The following ADCK1 variants were observed in gnomAD, a reference collection of about 807,000 sequenced individuals.
The protein encoded by ADCK1 is aarF domain containing kinase 1, also known as aarF domain-containing protein kinase 1.
Under a neutral mutation model 52.3 loss-of-function variants are expected in ADCK1, and 41 were observed. That is an observed-to-expected ratio of 0.78 (90% CI 0.61 to 1.02). ADCK1 has a LOEUF of 1.02. Ranked by LOEUF, ADCK1 falls within the 50% of genes least tolerant of loss-of-function variation. The probability of loss-of-function intolerance (pLI) is 0.00; values close to 1 mark genes in which losing one functional copy is unlikely to be tolerated. For synonymous variants in ADCK1, 250 were observed against 274.6 expected (o/e 0.91, Z 0.89); for missense variants, 658 against 679.5 (o/e 0.97, Z 0.35).
chr14:77,827,230 T>G (rs2081731249), intron 3 of ADCK1, among the ~76,000 whole-genome samples: 1 of 151,086 alleles, frequency 6.6e-6, no homozygotes. Context: ...TGGGCGCCTG[T>G]AGTCCCAGCT....
At chr14:77,890,030 TG>T (rs1176899629) in intron 5 of ADCK1, among the ~76,000 whole-genome samples, 1 of 152,178 alleles carries the variant, frequency 6.6e-6, no homozygotes, top group Non-Finnish European at 1.5e-5. Flanking sequence ...AAACCAGGAT[TG>T]AGCAATGCTG....
chr14:77,816,800 G>C (rs1031107142), intron 1 of ADCK1, among the ~76,000 whole-genome samples: 1 of 150,622 alleles, frequency 6.6e-6, no homozygotes, highest in Non-Finnish European at 1.5e-5. Context: ...CTGATGTTGT[G>C]GGGGGAAGTG....
intron 3 of ADCK1, among the ~76,000 whole-genome samples, chr14:77,842,518 T>C (rs113539355): frequency 1.4e-5 from 2 of 146,304 alleles, no homozygotes; most frequent in African/African-American, 5.1e-5. Flanking sequence ...CTTCCTTCAT[T>C]TCCTCCCTCC....
At chr14:77,851,552 G>A (rs561061850) in intron 3 of ADCK1, among the ~76,000 whole-genome samples, 1 of 152,186 alleles carries the variant, frequency 6.6e-6, no homozygotes, top group Admixed American at 6.5e-5. Context: ...CTTCATTCCT[G>A]TTTCCTTTAT....
At position 77,818,953 on chromosome 14, in the gene ADCK1, T is replaced by C. The variant is rs750650733; in HGVS notation, c.-11-15T>C. ...TTTAACTGCTATTCTTTCTCAACTTTCCTTTTTTCTGCAGGATCTGGCGAC... is the reference window on the plus strand; with the variant it reads ...TTTAACTGCTATTCTTTCTCAACTTCCCTTTTTTCTGCAGGATCTGGCGAC... On this transcript the variant is annotated splice_polypyrimidine_tract_variant and intron_variant, in intron 1 of 10. Transcript: ENST00000238561. 6.2e-7 allele frequency: 1 copy of C among 1,609,434 alleles called. No homozygotes were observed. The highest frequency in any genetic ancestry group is 8.5e-7 in the Non-Finnish European group (1 of 1,178,168).
At chr14:77,918,778 G>A (rs1406886487) in intron 7 of ADCK1, among the ~76,000 whole-genome samples, 3 of 152,168 alleles carry the variant, frequency 2.0e-5, no homozygotes, top group East Asian at 1.9e-4. Flanking sequence ...CTAGGGAAAT[G>A]TACTTTTGTT....
intron 4 of ADCK1, among the ~76,000 whole-genome samples, chr14:77,864,500 T>A (rs2082620647): frequency 6.6e-6 from 1 of 152,120 alleles, no homozygotes; most frequent in Non-Finnish European, 1.5e-5. Flanking sequence ...CATGGAGAAC[T>A]TGATGGGAGG....
intron 5 of ADCK1, among the ~76,000 whole-genome samples, chr14:77,890,100 A>G (rs535196337): frequency 2.0e-5 from 3 of 152,266 alleles, no homozygotes; most frequent in Admixed American, 6.5e-5. Context: ...CTAATGCTGC[A>G]TAATGAGTCA....
In ADCK1 at chr14:77,859,128, G is replaced by C. The variant is rs532827034; in HGVS notation, c.272G>C (p.Gly91Ala). Reference protein sequence around the residue: ...RLCELCCANRGTFIKVGQHLG... With the variant: ...RLCELCCANRATFIKVGQHLG... ...TGTGAGCTCTGCTGTGCCAACCGGG[G>C]CACCTTCATCAAGGTGGGCCAGCAC... Residue 91 changes from glycine (G) to alanine (A), a missense_variant, in exon 4 of 11, where the codon GGC becomes GCC. Gly to Ala is a moderately conservative substitution (Grantham distance 60). Coordinates refer to ENST00000238561, the MANE Select transcript of ADCK1 (RefSeq NM_020421.4). The C allele has an allele frequency of 6.2e-7, 1 of 1,613,166 alleles. No homozygotes were observed. Among genetic ancestry groups the C allele is most frequent in the East Asian group, 2.2e-5 (1 of 44,882 alleles).
chr14:77,862,443 G>T (rs958233775), intron 4 of ADCK1, among the ~76,000 whole-genome samples: 2 of 152,152 alleles, frequency 1.3e-5, no homozygotes, highest in Admixed American at 6.5e-5. Flanking sequence ...TTCTCTTTGT[G>T]GGGGGATCCC....
chr14:77,802,337 C>T (rs555301849), intron 1 of ADCK1, among the ~76,000 whole-genome samples: 24 of 152,212 alleles, frequency 1.6e-4, no homozygotes, highest in African/African-American at 5.1e-4. Context: ...TGGCTTTGCC[C>T]TATTCTCCCT....
chr14:77,858,404 T>A (rs1389016356), intron 3 of ADCK1, among the ~76,000 whole-genome samples: 1 of 149,118 alleles, frequency 6.7e-6, no homozygotes, highest in African/African-American at 2.5e-5. Context: ...GCCTGGATAA[T>A]TTTTTTTTTG....
At chr14:77,895,075 T>C (rs989104076) in intron 5 of ADCK1, among the ~76,000 whole-genome samples, 2 of 152,242 alleles carry the variant, frequency 1.3e-5, no homozygotes, top group African/African-American at 4.8e-5. Context: ...TTCAAACTTA[T>C]GTGTGACTCT....
At chr14:77,812,908 C>A (rs1341830803) in intron 1 of ADCK1, among the ~76,000 whole-genome samples, 1 of 151,770 alleles carries the variant, frequency 6.6e-6, no homozygotes, top group East Asian at 2.0e-4. Context: ...TTTTTATTTA[C>A]AAAGTCACAA....
chr14:77,916,196 T>G (rs565073954), intron 7 of ADCK1, among the ~76,000 whole-genome samples: 3 of 152,230 alleles, frequency 2.0e-5, no homozygotes, highest in Non-Finnish European at 4.4e-5. Flanking sequence ...TTTCCTCCCT[T>G]TCTCTGTGTC....
chr14:77,909,009 T>A (rs1415103708), intron 7 of ADCK1, among the ~76,000 whole-genome samples: 1 of 151,952 alleles, frequency 6.6e-6, no homozygotes, highest in Non-Finnish European at 1.5e-5. Context: ...AAAGTAATGG[T>A]CTTGGGTGTG....
chr14:77,818,526 C>T, intron 1 of ADCK1, among the ~76,000 whole-genome samples: 1 of 152,176 alleles, frequency 6.6e-6, no homozygotes, highest in Non-Finnish European at 1.5e-5. Flanking sequence ...GAGTGATCTG[C>T]ACACCTTGGC....
At chr14:77,914,973 C>T (rs1162865468) in intron 7 of ADCK1, among the ~76,000 whole-genome samples, 1 of 152,118 alleles carries the variant, frequency 6.6e-6, no homozygotes, top group African/African-American at 2.4e-5. Context: ...GAAGTTTCTA[C>T]CTTTCCCCTT....
intron 4 of ADCK1, among the ~76,000 whole-genome samples, chr14:77,872,566 G>A (rs913048913): frequency 1.3e-5 from 2 of 151,986 alleles, no homozygotes; most frequent in East Asian, 3.9e-4. Context: ...TGTGCTCTCA[G>A]ATGGGGGGCT....
Sources: gnomAD v4.1 joint callset for allele counts (sites outside exome capture counted in the v4.1 genomes callset) on GRCh38, gnomAD v4.1.1 for gene constraint, MANE v1.5 for transcripts, NCBI Gene and HGNC (gene_info 2026-07-23, HGNC 2026-07-21) for gene names.